The following STAG2 variants were observed in gnomAD, a reference collection of about 807,000 sequenced individuals.
STAG2 encodes cohesin subunit SA-2.
A neutral mutation model predicts 108.1 loss-of-function variants in STAG2; 14 were observed. That is an observed-to-expected ratio of 0.13 (90% confidence interval 0.09 to 0.20). The LOEUF (loss-of-function observed/expected upper bound fraction) is 0.20, where lower values mean the gene tolerates loss of function less well. STAG2 is among the 10% of genes least tolerant of loss of function. STAG2 has a pLI of 1.00. For synonymous variants in STAG2, 307 were observed against 302.7 expected, an observed-to-expected ratio of 1.01 and a Z score of -0.15; for missense variants, 440 against 940.9, an observed-to-expected ratio of 0.47 and a Z score of 6.96.
Position 124,018,446 on chromosome X carries a change from T to TTGGATGGA in STAG2, c.-162-2888_-162-2881dup, listed in dbSNP as rs59257430. ...AATGTAAGTCTGTGGGGGAAACACA[T>TTGGATGGA]TGGATGGATGGATGGATGGATGGAT... is the stretch of plus-strand genomic sequence containing the variant. On this transcript the variant is annotated intron_variant, in intron 1 of 34. Coordinates refer to ENST00000371145, the MANE Select transcript of STAG2 (RefSeq NM_001042750.2). 2.5e-3 allele frequency among the ~76,000 whole-genome samples: 256 copies of TTGGATGGA among 102,776 alleles called. 2 individuals are homozygous for TTGGATGGA. Among genetic ancestry groups the TTGGATGGA allele is most frequent in the African/African-American group, 9.0e-3 (252 of 28,047 alleles). 89.2% of individuals were successfully genotyped at this position (102,776 alleles called of 115,157 possible). A position where few individuals can be genotyped will look rare whatever the true frequency, so the allele number is the denominator to read the frequency against.
chrX:123,999,680 C>T (rs992986582), intron 1 of STAG2, among the ~76,000 whole-genome samples: 5 of 111,278 alleles, frequency 4.5e-5, no homozygotes, highest in South Asian at 3.8e-4. Context: ...GGTGCTATCT[C>T]GGCTCACTGC....
chrX:124,057,328 A>C (rs2148275896), intron 14 of STAG2, among the ~76,000 whole-genome samples: 1 of 111,954 alleles, frequency 8.9e-6, no homozygotes, highest in African/African-American at 3.2e-5. Flanking sequence ...TGCAGCAATT[A>C]TTAGGAAGAG....
chrX:124,093,008 G>A (rs759877464), intron 32 of STAG2, among the ~76,000 whole-genome samples: 20 of 111,348 alleles, frequency 1.8e-4, no homozygotes, highest in East Asian at 5.6e-4. Context: ...GTAAGCATTC[G>A]GTAAATAATT....
chrX:123,968,018 A>T (rs1265323211), intron 1 of STAG2, among the ~76,000 whole-genome samples: 2 of 109,061 alleles, frequency 1.8e-5, no homozygotes, highest in African/African-American at 6.7e-5. Flanking sequence ...CTCCTGCCTT[A>T]GCCTCTCAAG....
chrX:124,049,202 C>A lies in STAG2; in HGVS notation c.893+124C>A, dbSNP rs933875340. The A allele has an allele frequency of 1.2e-5, 6 of 516,487 alleles. No individual in the cohort carries two copies. The African/African-American group carries it at 1.5e-4, about 13-fold the overall frequency. The allele number at this position is 516,487 out of a possible 1,213,427, so 42.6% of individuals were successfully genotyped here. ...ATGTTATAGTAAAATCAATGTTAGA[C>A]TCCATTAGTGCCACTGAGTCACTCT... On this transcript the variant is annotated intron_variant, in intron 10 of 34. Transcript: ENST00000371145.
chrX:124,057,019 C>T (rs1310379431), intron 14 of STAG2, among the ~76,000 whole-genome samples: 1 of 109,912 alleles, frequency 9.1e-6, no homozygotes, highest in Admixed American at 9.8e-5. Flanking sequence ...GGCTCACCCT[C>T]CTGAGTAGCT....
chrX:123,990,656 T>C (rs2055409591), intron 1 of STAG2, among the ~76,000 whole-genome samples: 1 of 112,260 alleles, frequency 8.9e-6, no homozygotes, highest in African/African-American at 3.2e-5. Flanking sequence ...AGAGTCATTA[T>C]TGTAATGATG....
intron 1 of STAG2, among the ~76,000 whole-genome samples, chrX:123,962,811 C>T (rs1432845521): frequency 9.0e-6 from 1 of 111,359 alleles, no homozygotes; most frequent in Non-Finnish European, 1.9e-5. Context: ...CATAAAGCCC[C>T]ATCTTCCCTT....
At chrX:124,086,815 C>A (rs2148468231) in intron 30 of STAG2, 45 bp downstream of exon 30, 2 of 973,976 alleles carry the variant, frequency 2.1e-6, no homozygotes, top group South Asian at 4.9e-5. Flanking sequence ...CTAATGTTTA[C>A]CAACTGAATT....
At chrX:123,972,849 C>T (rs1285677778) in intron 1 of STAG2, among the ~76,000 whole-genome samples, 1 of 84,495 alleles carries the variant, frequency 1.2e-5, no homozygotes, top group Non-Finnish European at 2.3e-5. Context: ...TGAAACTCCC[C>T]CCCTCTACCA....
chrX:123,989,528 CAT>C (rs1232663795), intron 1 of STAG2, among the ~76,000 whole-genome samples: 2 of 110,234 alleles, frequency 1.8e-5, no homozygotes, highest in Non-Finnish European at 3.8e-5. Flanking sequence ...ATTTAAAACT[CAT>C]ATATGTATAT....
intron 4 of STAG2, 132 bp downstream of exon 4, chrX:124,026,050 G>A (rs369714347): frequency 1.1e-5 from 4 of 358,410 alleles, no homozygotes; most frequent in African/African-American, 5.4e-5. Context: ...GGTATGGTAA[G>A]CCTTCTGAGT....
intron 10 of STAG2, among the ~76,000 whole-genome samples, chrX:124,049,440 A>G (rs191883211): frequency 8.9e-6 from 1 of 112,284 alleles, no homozygotes; most frequent in Non-Finnish European, 1.9e-5. Context: ...ACAATTGGAT[A>G]GGTTAAAGTG....
At chrX:124,061,127 T>C (rs1196189114) in intron 15 of STAG2, 97 bp from the exon 16 acceptor site, 4 of 562,667 alleles carry the variant, frequency 7.1e-6, no homozygotes, top group African/African-American at 2.4e-5. Context: ...GATTGCTGTT[T>C]GAGAGTTTGT....
intron 1 of STAG2, among the ~76,000 whole-genome samples, chrX:124,009,441 A>AGGTAGGTAGGTG (rs1556479654): frequency 2.3e-5 from 2 of 88,417 alleles, no homozygotes; most frequent in African/African-American, 7.9e-5. Context: ...GTAGGTAGGT[A>AGGTAGGTAGGTG]GGTAGATAGA....
chrX:124,030,053 T>C (rs2057283212), intron 4 of STAG2, among the ~76,000 whole-genome samples: 2 of 111,259 alleles, frequency 1.8e-5, no homozygotes, highest in Non-Finnish European at 3.8e-5. Context: ...GATGACTAAA[T>C]GTTGGAGGGA....
chrX:124,045,873 G>A (rs758543894), intron 8 of STAG2, among the ~76,000 whole-genome samples: 4 of 110,837 alleles, frequency 3.6e-5, no homozygotes, highest in Admixed American at 9.7e-5. Flanking sequence ...TTTGGTGTGC[G>A]TTGCCTCTCC....
rs28432706 is a variant in STAG2 at position 123,967,485 on chromosome X, C to T, written c.-163+5629C>T. Among the ~76,000 whole-genome samples, 382 of 110,395 alleles carry T rather than the reference C, an allele frequency of 3.5e-3. 1 individual carries two copies. Among genetic ancestry groups the T allele is most frequent in the African/African-American group, 0.012 (354 of 30,321 alleles). Reference sequence around the variant, plus strand: ...TTTTCCATGTTGGTCAGGCTGGTCTCGAACTCCCGACCTCAGGTGATCTGC... The same window carrying T: ...TTTTCCATGTTGGTCAGGCTGGTCTTGAACTCCCGACCTCAGGTGATCTGC... On this transcript the variant is annotated intron_variant, in intron 1 of 34. Coordinates refer to ENST00000371145, the MANE Select transcript of STAG2 (RefSeq NM_001042750.2).
chrX:124,082,782 A>G (rs913602051), intron 28 of STAG2, among the ~76,000 whole-genome samples: 1 of 111,776 alleles, frequency 8.9e-6, no homozygotes, highest in Non-Finnish European at 1.9e-5. Flanking sequence ...GTAATTTTAC[A>G]TAATATTTAA....
Sources: gnomAD v4.1 joint callset for allele counts (sites outside exome capture counted in the v4.1 genomes callset) on GRCh38, gnomAD v4.1.1 for gene constraint, MANE v1.5 for transcripts, NCBI Gene and HGNC (gene_info 2026-07-23, HGNC 2026-07-21) for gene names.